Variants in ZCCHC8 observed in about 807,000 individuals in gnomAD.
ZCCHC8 encodes the protein zinc finger CCHC-type containing 8.
In ZCCHC8, 27 loss-of-function variants were observed where a neutral mutation model predicts 70.6. The ratio of observed to expected loss-of-function variants is 0.38; its 90% confidence interval spans 0.28 to 0.53. The LOEUF (loss-of-function observed/expected upper bound fraction) is 0.53, where lower values mean the gene tolerates loss of function less well. Among genes scored for constraint, ZCCHC8 ranks in the 20% least tolerant of loss-of-function variants. The probability of loss-of-function intolerance (pLI) is 0.81; values close to 1 mark genes in which losing one functional copy is unlikely to be tolerated. For synonymous variants in ZCCHC8, 293 were observed against 317.4 expected, an observed-to-expected ratio of 0.92 and a Z score of 0.82; for missense variants, 737 against 876.9, an observed-to-expected ratio of 0.84 and a Z score of 2.01.
At chr12:122,495,847 C>CAAAAAAAAAAAAAAAAAAAAA (rs538311699) in intron 2 of ZCCHC8, among the ~76,000 whole-genome samples, 1 of 78,334 alleles carries the variant, frequency 1.3e-5, no homozygotes, top group African/African-American at 5.6e-5. Context: ...CACTCTGTCT[C>CAAAAAAAAAAAAAAAAAAAAA]AAAAAAAAAA....
chr12:122,482,124 C>A lies in ZCCHC8; in HGVS notation c.733-37G>T, dbSNP rs7955086. 0.02 allele frequency: 31,446 copies of A among 1,551,344 alleles called. 4,287 individuals carry two copies. In the African/African-American group the frequency reaches 0.33, roughly 16 times the overall value. ...CACATTTGAAAAGAATGGTTTCATG[C>A]AACTCAGAAATATTTCAGAAATTAA... On this transcript the variant is annotated intron_variant, in intron 8 of 13. Coordinates refer to ENST00000633063, the MANE Select transcript of ZCCHC8 (RefSeq NM_017612.5).
At chr12:122,484,540 G>A (rs1164573189) in intron 5 of ZCCHC8, among the ~76,000 whole-genome samples, 1 of 151,106 alleles carries the variant, frequency 6.6e-6, no homozygotes, top group African/African-American at 2.4e-5. Flanking sequence ...AGTCTCCTGA[G>A]TAGTTGTGTC....
intron 2 of ZCCHC8, among the ~76,000 whole-genome samples, chr12:122,494,844 C>T (rs1957802817): frequency 6.6e-6 from 1 of 152,108 alleles, no homozygotes. Flanking sequence ...GACAGAGCAA[C>T]ACGCTCGGCC....
rs745937941 is a variant in ZCCHC8 at position 122,474,059 on chromosome 12, T to C, written c.1562A>G (p.Glu521Gly). 1 of 1,524,812 alleles carries C rather than the reference T, an allele frequency of 6.6e-7. No homozygotes were observed. The highest frequency in any genetic ancestry group is 1.3e-5 in the South Asian group (1 of 75,076). 94.5% of individuals were successfully genotyped at this position (1,524,812 alleles called of 1,614,324 possible). A position where few individuals can be genotyped will look rare whatever the true frequency, so the allele number is the denominator to read the frequency against. ...TGCCCAGATCCGCCTCTGCTGTTCT[T>C]CAAGTTCTTCTAGAGTCAGTGCGTC... ...DEDALTLEELEEQQRRIWAAL... is the reference protein window; with the variant it reads ...DEDALTLEELGEQQRRIWAAL... The change falls in exon 14 of 14, where the codon GAA (glutamate) becomes GGA (glycine). Residue 521 changes from glutamate (E) to glycine (G), a missense_variant. Physicochemically the swap from Glu to Gly is moderately conservative, Grantham distance 98. Transcript: ENST00000633063.
intron 2 of ZCCHC8, 29 bp from the exon 3 acceptor site, chr12:122,492,818 G>T (rs1021017468): frequency 2.8e-6 from 4 of 1,430,648 alleles, no homozygotes; most frequent in Non-Finnish European, 3.8e-6. Context: ...CATATTCTTA[G>T]AAGATATTTA....
chr12:122,483,783 T>C lies in ZCCHC8; in HGVS notation c.502-220A>G, dbSNP rs1278948501. 3 of 495,588 alleles carry C rather than the reference T, an allele frequency of 6.1e-6. No homozygotes were observed. Among genetic ancestry groups the C allele is most frequent in the Non-Finnish European group, 1.1e-5 (3 of 281,274 alleles). The allele number at this position is 495,588 out of a possible 1,614,324, so 30.7% of individuals were successfully genotyped here. A position where few individuals can be genotyped will look rare whatever the true frequency, so the allele number is the denominator to read the frequency against. On this transcript the variant is annotated intron_variant, in intron 5 of 13. Transcript: ENST00000633063. This position sits in a 1 kb window ranked among gnomAD's most constrained non-coding sequence, Gnocchi z 4.4. The stretch of plus-strand genomic sequence containing the variant: ...TCAGTTTTTCCTCTGTATTGGATCA[T>C]GACTATCAGCTGCATTCTCTACAGA...
chr12:122,488,185 CCACACTTGGCTAATTTTTGTATTTT>C (rs1957677982), intron 5 of ZCCHC8, among the ~76,000 whole-genome samples: 1 of 152,072 alleles, frequency 6.6e-6, no homozygotes, highest in South Asian at 2.1e-4. Flanking sequence ...GTGTGCACCA[CCACACTTGGCTAATTTTTGTATTTT>C]CAGTAGAGAC....
intron 11 of ZCCHC8, 135 bp from the exon 12 acceptor site, chr12:122,478,427 A>C: frequency 1.5e-6 from 1 of 646,908 alleles, no homozygotes; most frequent in Non-Finnish European, 2.7e-6. Context: ...CCTTTATTGG[A>C]AATTAAGGAA....
At chr12:122,484,415 T>A (rs1270806995) in intron 5 of ZCCHC8, among the ~76,000 whole-genome samples, 3 of 10,818 alleles carry the variant, frequency 2.8e-4, no homozygotes, top group African/African-American at 2.1e-3. Context: ...TACTCTTTAA[T>A]TTTTTTTTTT....
chr12:122,479,903 G>A (rs1475124768), intron 11 of ZCCHC8, among the ~76,000 whole-genome samples: 1 of 152,162 alleles, frequency 6.6e-6, no homozygotes, highest in Non-Finnish European at 1.5e-5. Flanking sequence ...TCACCTCACT[G>A]TAACCTCTGC....
rs1018937599 is a variant in ZCCHC8, at chr12:122,472,271, G to T, written c.*1226C>A. 6.8e-5 allele frequency: 10 copies of T among 147,486 alleles called. No individual in the cohort carries two copies. The highest frequency in any genetic ancestry group is 2.5e-4 in the African/African-American group (10 of 39,518). 9.1% of individuals were successfully genotyped at this position (147,486 alleles called of 1,614,324 possible). A position where few individuals can be genotyped will look rare whatever the true frequency, so the allele number is the denominator to read the frequency against. ...TGCCCAGGCTGGAGTGCAATGGCGC[G>T]ACCTCGGCTCACTGCAACCTCCCAC... On this transcript the variant is annotated 3_prime_UTR_variant, in exon 14 of 14. Transcript: ENST00000633063.
In ZCCHC8 at chr12:122,476,268, A is replaced by G. The variant is rs1957415466; in HGVS notation, c.1345+1573T>C. 2.6e-5 allele frequency among the ~76,000 whole-genome samples: 4 copies of G among 152,342 alleles called. No homozygotes were observed. In the South Asian group the frequency reaches 8.3e-4, roughly 32 times the overall value. ...GTAGGGGGTCTGAACTTTATTCTAT[A>G]GACAATAAGATTTGTGAGAATAACA... is the stretch of plus-strand genomic sequence containing the variant. On this transcript the variant is annotated intron_variant, in intron 13 of 13. Coordinates refer to ENST00000633063, the MANE Select transcript of ZCCHC8 (RefSeq NM_017612.5).
intron 13 of ZCCHC8, among the ~76,000 whole-genome samples, chr12:122,475,520 G>A (rs1222544047): frequency 1.3e-5 from 2 of 152,204 alleles, no homozygotes; most frequent in East Asian, 1.9e-4. Flanking sequence ...GGCACCACCA[G>A]TGGATCTGCT....
In ZCCHC8 at chr12:122,478,220, A is replaced by G; in HGVS notation, c.1213T>C (p.Ser405Pro). 6.3e-7 allele frequency: 1 copy of G among 1,597,992 alleles called. No individual in the cohort carries two copies. ...QKDVFANYLT[S>P]NFQAPGVKSG... ...AATCTATTTACCGCTTGGAAGTTAG[A>G]AGTAAGGTAATTGGCAAACACATCC... The change falls in exon 12 of 14, where the codon TCT becomes CCT. Residue 405 changes from serine to proline, a missense_variant. By Grantham distance (74) the Ser-to-Pro change is moderately conservative. Coordinates refer to ENST00000633063, the MANE Select transcript of ZCCHC8 (RefSeq NM_017612.5).
At position 122,480,154 on chromosome 12, in the gene ZCCHC8, C is replaced by T. The variant is rs756869785; in HGVS notation, c.1140+36G>A. 14 of 1,498,462 alleles carry T rather than the reference C, an allele frequency of 9.3e-6. No individual in the cohort carries two copies. In the South Asian group the frequency reaches 1.6e-4, roughly 17 times the overall value. The allele number at this position is 1,498,462 out of a possible 1,614,324, so 92.8% of individuals were successfully genotyped here. On this transcript the variant is annotated intron_variant, in intron 11 of 13. Transcript: ENST00000633063. ...ACCAATCTTTAACATAATAATATCACATCACATGATAATTTAAAAAAATCA... is the reference window on the plus strand; with the variant it reads ...ACCAATCTTTAACATAATAATATCATATCACATGATAATTTAAAAAAATCA...
chr12:122,473,730 G>A lies in ZCCHC8; in HGVS notation c.1891C>T (p.Pro631Ser). 6.2e-7 allele frequency: 1 copy of A among 1,613,916 alleles called. No homozygotes were observed. Among genetic ancestry groups the A allele is most frequent in the Non-Finnish European group, 8.5e-7 (1 of 1,179,826 alleles). ...CCCCCATTGCTGATGTCACAGTTTGGTACGACACTGCCATTATCAAGAAGG... is the reference window on the plus strand; with the variant it reads ...CCCCCATTGCTGATGTCACAGTTTGATACGACACTGCCATTATCAAGAAGG... ...GALLDNGSVV[P>S]NCDISNGGSQ... Residue 631 changes from proline to serine, a missense_variant, in exon 14 of 14, where the codon CCA (proline) becomes TCA (serine). By Grantham distance (74) the Pro-to-Ser change is moderately conservative. Transcript: ENST00000633063.
chr12:122,480,047 A>G (rs1184497283), intron 11 of ZCCHC8, 143 bp downstream of exon 11: 3 of 717,054 alleles, frequency 4.2e-6, no homozygotes, highest in Non-Finnish European at 6.7e-6. Context: ...CTGGGACTCA[A>G]GTGATCATCT....
chr12:122,478,080 T>C, intron 12 of ZCCHC8, 122 bp from the exon 13 acceptor site: 1 of 1,207,730 alleles, frequency 8.3e-7, no homozygotes, highest in Non-Finnish European at 1.2e-6. Context: ...TTGGTGAATT[T>C]TGCCACTGTT....
intron 13 of ZCCHC8, among the ~76,000 whole-genome samples, chr12:122,476,979 G>A (rs1005874713): frequency 5.5e-5 from 8 of 146,332 alleles, no homozygotes; most frequent in African/African-American, 1.5e-4. Context: ...CCAAGATCAC[G>A]CCACTGCACT....
Sources: allele counts gnomAD v4.1 joint callset (sites outside exome capture counted in the v4.1 genomes callset), GRCh38; gene constraint gnomAD v4.1.1; non-coding constraint Gnocchi (gnomAD v3.1); transcripts MANE v1.5; gene names NCBI Gene and HGNC (gene_info 2026-07-23, HGNC 2026-07-21).